UGT1A1: variants seen among roughly 807,000 people sequenced by gnomAD.
The protein encoded by UGT1A1 is UDP-glucuronosyltransferase 1A1.
Under a neutral mutation model 40.6 loss-of-function variants are expected in UGT1A1, and 33 were observed. The observed-to-expected ratio is 0.81, with a 90% confidence interval of 0.62 to 1.09. The LOEUF is 1.09. Among genes scored for constraint, UGT1A1 ranks in the 50% least tolerant of loss-of-function variants. UGT1A1 has a pLI of 0.00. For synonymous variants in UGT1A1, 249 were observed against 265.0 expected, an observed-to-expected ratio of 0.94 and a Z score of 0.59; for missense variants, 694 against 671.2, an observed-to-expected ratio of 1.03 and a Z score of -0.38.
chr2:233,772,893 C>A lies in UGT1A1; in HGVS notation c.*334C>A, dbSNP rs1248675472. 18 of 490,984 alleles carry A rather than the reference C, an allele frequency of 3.7e-5. No individual in the cohort carries two copies. In the East Asian group the frequency reaches 9.8e-4, roughly 27 times the overall value. 30.4% of individuals were successfully genotyped at this position (490,984 alleles called of 1,614,324 possible). A position where few individuals can be genotyped will look rare whatever the true frequency, so the allele number is the denominator to read the frequency against. ...TGGGAGTGCGGGATTCAAAGGTGGTCCCACGGCTGCCCCTACTGCAAATGG... is the reference window on the plus strand; with the variant it reads ...TGGGAGTGCGGGATTCAAAGGTGGTACCACGGCTGCCCCTACTGCAAATGG... On this transcript the variant is annotated 3_prime_UTR_variant, in exon 5 of 5. Transcript: ENST00000305208.
chr2:233,765,884 C>T (rs1054179790), intron 1 of UGT1A1, among the ~76,000 whole-genome samples: 2 of 152,082 alleles, frequency 1.3e-5, no homozygotes, highest in African/African-American at 4.8e-5. Context: ...CTCACTTTCT[C>T]AGTGCGCCAC....
intron 1 of UGT1A1, among the ~76,000 whole-genome samples, chr2:233,764,385 C>A (rs1299567681): frequency 6.6e-6 from 1 of 152,140 alleles, no homozygotes; most frequent in African/African-American, 2.4e-5. Context: ...AGGAGTTGGC[C>A]GTGATGACAA....
At chr2:233,763,725 A>G (rs557422136) in intron 1 of UGT1A1, among the ~76,000 whole-genome samples, 3 of 152,232 alleles carry the variant, frequency 2.0e-5, no homozygotes, top group South Asian at 2.1e-4. Flanking sequence ...AGAAAGCACA[A>G]CCTGGCATTG....
intron 1 of UGT1A1, among the ~76,000 whole-genome samples, chr2:233,764,774 A>C (rs1698642300): frequency 6.6e-6 from 1 of 152,202 alleles, no homozygotes; most frequent in African/African-American, 2.4e-5. Context: ...GAAGGAGTTC[A>C]GAAAAACCAT....
Position 233,763,798 on chromosome 2 carries a change from A to G in UGT1A1, c.864+2647A>G, listed in dbSNP as rs551390932. ...GAACAACATTGGGAGAAAAGGAATG[A>G]AACTCAAGAATTCCAAGATGTTCCT... On this transcript the variant is annotated intron_variant, in intron 1 of 4. Coordinates refer to ENST00000305208, the MANE Select transcript of UGT1A1 (RefSeq NM_000463.3). Among the ~76,000 whole-genome samples, 8 of 152,368 alleles carry G rather than the reference A, an allele frequency of 5.3e-5. No individual in the cohort carries two copies. The South Asian group carries it at 1.0e-3, about 20-fold the overall frequency.
rs995864584 is a variant in UGT1A1 at position 233,760,371 on chromosome 2, G to C, written c.84G>C (p.Gly28=). Residue 28 remains glycine, a synonymous_variant, in exon 1 of 5, where the codon GGG becomes GGC. Coordinates refer to ENST00000305208, the MANE Select transcript of UGT1A1 (RefSeq NM_000463.3). Reference sequence around the variant, plus strand: ...TGGGCCCAGTGGTGTCCCATGCTGGGAAGATACTGTTGATCCCAGTGGATG... The same window carrying C: ...TGGGCCCAGTGGTGTCCCATGCTGGCAAGATACTGTTGATCCCAGTGGATG... ...CVLGPVVSHA[G]KILLIPVDGS... 6.2e-7 allele frequency: 1 copy of C among 1,614,040 alleles called. No individual in the cohort carries two copies.
At position 233,769,699 on chromosome 2, in the gene UGT1A1, A is replaced by G. The variant is rs1699920777; in HGVS notation, c.1304+1260A>G. On this transcript the variant is annotated intron_variant, in intron 4 of 4. Transcript: ENST00000305208. The surrounding 1 kb of genome is among the most constrained non-coding windows in gnomAD (Gnocchi z 4.4). ...TGTGTGTGGTGGCACTGGATAAAAG[A>G]TCAATGTTGGCTAGGCACCATGGCA... 4 of 1,529,942 alleles carry G rather than the reference A, an allele frequency of 2.6e-6. No individual in the cohort carries two copies. The South Asian group carries it at 3.8e-5, about 14-fold the overall frequency. 94.8% of individuals were successfully genotyped at this position (1,529,942 alleles called of 1,614,324 possible). A position where few individuals can be genotyped will look rare whatever the true frequency, so the allele number is the denominator to read the frequency against.
rs72551340 is a variant in UGT1A1, at chr2:233,760,509, C to A, written c.222C>A (p.Tyr74Ter). 17 of 1,614,154 alleles carry A rather than the reference C, an allele frequency of 1.1e-5. No homozygotes were observed. Among genetic ancestry groups the A allele is most frequent in the Non-Finnish European group, 4.2e-6 (5 of 1,180,060 alleles). ...ASLYIRDGAF[Y>*]TLKTYPVPFQ... ...TGTACATCAGAGACGGAGCATTTTA[C>A]ACCTTGAAGACGTACCCTGTGCCAT... is the stretch of plus-strand genomic sequence containing the variant. The change falls in exon 1 of 5, where the codon TAC becomes TAA. Residue 74 changes from tyrosine (Y) to a stop codon, truncating the protein, a stop_gained. Transcript: ENST00000305208. LOFTEE classifies it high-confidence loss of function.
Position 233,769,443 on chromosome 2 carries a change from G to T in UGT1A1, c.1304+1004G>T. 1.3e-6 allele frequency: 2 copies of T among 1,564,916 alleles called. No homozygotes were observed. The highest frequency in any genetic ancestry group is 1.8e-6 in the Non-Finnish European group (2 of 1,139,736). On this transcript the variant is annotated intron_variant, in intron 4 of 4. Coordinates refer to ENST00000305208, the MANE Select transcript of UGT1A1 (RefSeq NM_000463.3). This position sits in a 1 kb window ranked among gnomAD's most constrained non-coding sequence, Gnocchi z 4.4. The stretch of plus-strand genomic sequence containing the variant: ...CATGTGGCTGTGCTCATGTGTGGGT[G>T]CACACGTGTGCATTCATATGCGTGT...
At position 233,760,497 on chromosome 2, in the gene UGT1A1, C is replaced by G. The variant is rs1553620689; in HGVS notation, c.210C>G (p.Asp70Glu). ...LAPDASLYIR[D>E]GAFYTLKTYP... ...CTGACGCCTCGTTGTACATCAGAGACGGAGCATTTTACACCTTGAAGACGT... is the reference window on the plus strand; with the variant it reads ...CTGACGCCTCGTTGTACATCAGAGAGGGAGCATTTTACACCTTGAAGACGT... Residue 70 changes from aspartate to glutamate, a missense_variant, in exon 1 of 5, where the codon GAC becomes GAG. Physicochemically the swap from Asp to Glu is conservative, Grantham distance 45. Transcript: ENST00000305208. 1.2e-6 allele frequency: 2 copies of G among 1,614,200 alleles called. No individual in the cohort carries two copies. The highest frequency in any genetic ancestry group is 2.7e-5 in the African/African-American group (2 of 75,048).
intron 1 of UGT1A1, 105 bp from the exon 2 acceptor site, chr2:233,766,928 CT>C: frequency 6.3e-7 from 1 of 1,578,028 alleles, no homozygotes; most frequent in Non-Finnish European, 8.6e-7. Flanking sequence ...ACACGCATGC[CT>C]TTAATCATAG....
At position 233,772,831 on chromosome 2, in the gene UGT1A1, T is replaced by TCACACAAGAAAGCCAGCAAGGAAG; in HGVS notation, c.*273_*274insACACAAGAAAGCCAGCAAGGAAGC. 1 of 893,952 alleles carries TCACACAAGAAAGCCAGCAAGGAAG rather than the reference T, an allele frequency of 1.1e-6. No homozygotes were observed. The highest frequency in any genetic ancestry group is 1.6e-6 in the Non-Finnish European group (1 of 642,656). 55.4% of individuals were successfully genotyped at this position (893,952 alleles called of 1,614,324 possible). A position where few individuals can be genotyped will look rare whatever the true frequency, so the allele number is the denominator to read the frequency against. On this transcript the variant is annotated 3_prime_UTR_variant, in exon 5 of 5. Coordinates refer to ENST00000305208, the MANE Select transcript of UGT1A1 (RefSeq NM_000463.3). ...AGAGGACGTGCAGACAGGCTGGCATTCTAGATTACTTTTCTTACTCTGAAA... is the reference window on the plus strand; with the variant it reads ...AGAGGACGTGCAGACAGGCTGGCATTCACACAAGAAAGCCAGCAAGGAAGCTAGATTACTTTTCTTACTCTGAAA...
rs1043133002 is a variant in UGT1A1, at chr2:233,769,410, C to T, written c.1304+971C>T. On this transcript the variant is annotated intron_variant, in intron 4 of 4. Transcript: ENST00000305208. This position sits in a 1 kb window ranked among gnomAD's most constrained non-coding sequence, Gnocchi z 4.4. ...GATACTGTGTGCATATGTGCGTGTG[C>T]GTTTGTGCATGTGGCTGTGCTCATG... is the stretch of plus-strand genomic sequence containing the variant. 3.7e-5 allele frequency: 49 copies of T among 1,332,922 alleles called. No homozygotes were observed. The highest frequency in any genetic ancestry group is 1.1e-4 in the Admixed American group (6 of 53,448). The allele number at this position is 1,332,922 out of a possible 1,614,324, so 82.6% of individuals were successfully genotyped here.
Position 233,761,080 on chromosome 2 carries a change from C to T in UGT1A1, c.793C>T (p.Pro265Ser), listed in dbSNP as rs760907397. The change falls in exon 1 of 5, where the codon CCT becomes TCT. Residue 265 changes from proline to serine, a missense_variant. Transcript: ENST00000305208. ...LFRSDFVKDY[P>S]RPIMPNMVFV... ...TAGAAGTGACTTTGTGAAGGATTAC[C>T]CTAGGCCCATCATGCCCAATATGGT... The T allele has an allele frequency of 5.0e-6, 8 of 1,614,034 alleles. No individual in the cohort carries two copies. The highest frequency in any genetic ancestry group is 1.3e-5 in the African/African-American group (1 of 74,910).
At chr2:233,767,212 G>T (rs377453564) in intron 2 of UGT1A1, 47 bp downstream of exon 2, 3 of 1,612,180 alleles carry the variant, frequency 1.9e-6, no homozygotes, top group Admixed American at 3.3e-5. Flanking sequence ...TCACAGGAGC[G>T]CTAATCCCAG....
intron 1 of UGT1A1, among the ~76,000 whole-genome samples, chr2:233,763,856 G>A (rs1698413440): frequency 6.6e-6 from 1 of 152,158 alleles, no homozygotes; most frequent in Non-Finnish European, 1.5e-5. Context: ...GTGGTTCACA[G>A]ACAATCGCAA....
Position 233,760,648 on chromosome 2 carries a change from G to C in UGT1A1, c.361G>C (p.Ala121Pro), listed in dbSNP as rs1697515818. The C allele has an allele frequency of 6.2e-7, 1 of 1,614,206 alleles. No homozygotes were observed. Among genetic ancestry groups the C allele is most frequent in the African/African-American group, 1.3e-5 (1 of 75,044 alleles). Residue 121 changes from alanine to proline, a missense_variant, in exon 1 of 5, where the codon GCT (alanine) becomes CCT (proline). Ala to Pro is a conservative substitution (Grantham distance 27, BLOSUM62 -1). Coordinates refer to ENST00000305208, the MANE Select transcript of UGT1A1 (RefSeq NM_000463.3). The part of the protein sequence containing the change: ...KTYKKIKKDS[A>P]MLLSGCSHLL... ...ATACAAGAAAATAAAAAAGGACTCT[G>C]CTATGCTTTTGTCTGGCTGTTCCCA...
chr2:233,769,773 T>C lies in UGT1A1; in HGVS notation c.1304+1334T>C. 4 of 1,392,024 alleles carry C rather than the reference T, an allele frequency of 2.9e-6. No individual in the cohort carries two copies. Among genetic ancestry groups the C allele is most frequent in the Non-Finnish European group, 2.8e-6 (3 of 1,065,432 alleles). 86.2% of individuals were successfully genotyped at this position (1,392,024 alleles called of 1,614,324 possible). A position where few individuals can be genotyped will look rare whatever the true frequency, so the allele number is the denominator to read the frequency against. ...TGGAGGCTAAGGCGGGAGGATTGCTTGAGCCCAGAAGTTGGAGGCTGCTAT... is the reference window on the plus strand; with the variant it reads ...TGGAGGCTAAGGCGGGAGGATTGCTCGAGCCCAGAAGTTGGAGGCTGCTAT... On this transcript the variant is annotated intron_variant, in intron 4 of 4. Transcript: ENST00000305208. This position sits in a 1 kb window ranked among gnomAD's most constrained non-coding sequence, Gnocchi z 4.4.
chr2:233,766,201 G>C (rs544565545), intron 1 of UGT1A1, among the ~76,000 whole-genome samples: 1 of 152,254 alleles, frequency 6.6e-6, no homozygotes, highest in East Asian at 1.9e-4. Flanking sequence ...CTCAGCAGAT[G>C]GGGGAAGCCA....
Sources: allele counts gnomAD v4.1 joint callset (sites outside exome capture counted in the v4.1 genomes callset), GRCh38; gene constraint gnomAD v4.1.1; non-coding constraint Gnocchi (gnomAD v3.1); transcripts MANE v1.5; gene names NCBI Gene and HGNC (gene_info 2026-07-23, HGNC 2026-07-21).